RNF144B: variants seen among roughly 807,000 people sequenced by gnomAD.
RNF144B encodes the protein E3 ubiquitin-protein ligase RNF144B.
Under a neutral mutation model 40.2 loss-of-function variants are expected in RNF144B, and 25 were observed. The observed-to-expected ratio is 0.62, with a 90% CI of 0.45 to 0.87. The LOEUF is 0.87. Among genes scored for constraint, RNF144B ranks in the 40% least tolerant of loss-of-function variants. RNF144B has a pLI of 0.00. For synonymous variants in RNF144B, 145 were observed against 136.3 expected (o/e 1.06, Z -0.44); for missense variants, 365 against 373.7 (o/e 0.98, Z 0.19).
At chr6:18,392,683 T>C (rs1794609059) in intron 1 of RNF144B, among the ~76,000 whole-genome samples, 1 of 152,214 alleles carries the variant, frequency 6.6e-6, no homozygotes. Context: ...TCCTCTTCTC[T>C]ACCACAGGAG....
Position 18,460,086 on chromosome 6 carries a change from A to G in RNF144B, c.681+335A>G, listed in dbSNP as rs1038390796. Among the ~76,000 whole-genome samples the G allele has an allele frequency of 6.6e-6, 1 of 152,232 alleles. No individual in the cohort carries two copies. Among genetic ancestry groups the G allele is most frequent in the Non-Finnish European group, 1.5e-5 (1 of 68,046 alleles). On this transcript the variant is annotated intron_variant, in intron 6 of 7. Transcript: ENST00000259939. This position sits in a 1 kb window ranked among gnomAD's most constrained non-coding sequence, Gnocchi z 4.4. The stretch of plus-strand genomic sequence containing the variant: ...TAGCACATACTTAGTGGCTTAAAAT[A>G]CCACAAACTTATTATCCCACAGTTC...
At chr6:18,388,316 A>C (rs1443280621) in intron 1 of RNF144B, among the ~76,000 whole-genome samples, 1 of 152,154 alleles carries the variant, frequency 6.6e-6, no homozygotes, top group East Asian at 1.9e-4. Context: ...TAACAGGACT[A>C]TCTCTGCTCT....
At chr6:18,424,132 T>C (rs192002169) in intron 2 of RNF144B, among the ~76,000 whole-genome samples, 1 of 152,340 alleles carries the variant, frequency 6.6e-6, no homozygotes, top group Admixed American at 6.5e-5. Flanking sequence ...GTTAACCATT[T>C]ACCTGTGTTT....
At position 18,396,617 on chromosome 6, in the gene RNF144B, C is replaced by T. The variant is rs1393149241; in HGVS notation, c.-36-2882C>T. On this transcript the variant is annotated intron_variant, in intron 1 of 7. Transcript: ENST00000259939. ...CTACTCAGGAAGCATTTACTACCTACGTTTCTTCTTGTTGTTTTACTTGGG... is the reference window on the plus strand; with the variant it reads ...CTACTCAGGAAGCATTTACTACCTATGTTTCTTCTTGTTGTTTTACTTGGG... The T allele has an allele frequency of 2.3e-5, 23 of 984,994 alleles. No individual in the cohort carries two copies. The Admixed American group carries it at 6.1e-4, about 26-fold the overall frequency. 61.0% of individuals were successfully genotyped at this position (984,994 alleles called of 1,614,324 possible).
At chr6:18,404,240 G>A (rs936231326) in intron 2 of RNF144B, among the ~76,000 whole-genome samples, 4 of 152,216 alleles carry the variant, frequency 2.6e-5, no homozygotes, top group African/African-American at 7.2e-5. Flanking sequence ...AGAAAGTAAT[G>A]CCACTTTCCT....
At chr6:18,397,561 A>G (rs996006825) in intron 1 of RNF144B, among the ~76,000 whole-genome samples, 1 of 152,240 alleles carries the variant, frequency 6.6e-6, no homozygotes, top group Non-Finnish European at 1.5e-5. Context: ...ATTCAGAATA[A>G]AAACAATCTA....
rs143833046 is a variant in RNF144B, at chr6:18,387,864, C to T, written c.-37+234C>T. 7.1e-3 allele frequency among the ~76,000 whole-genome samples: 1,075 copies of T among 152,268 alleles called. 10 individuals are homozygous for T. Among genetic ancestry groups the T allele is most frequent in the Middle Eastern group, 0.027 (8 of 294 alleles). ...AGTTTCATTTCTAATAAAACAGTTT[C>T]TATAATAGAATGTATTGTAGAATCC... On this transcript the variant is annotated intron_variant, in intron 1 of 7. Transcript: ENST00000259939.
At position 18,466,075 on chromosome 6, in the gene RNF144B, G is replaced by A. The variant is rs1291537197; in HGVS notation, c.*1008G>A. On this transcript the variant is annotated 3_prime_UTR_variant, in exon 8 of 8. Transcript: ENST00000259939. ...TGAGCATGCATGGATATACCCAATAGTACACACAAAATAAATGTTTACTTA... is the reference window on the plus strand; with the variant it reads ...TGAGCATGCATGGATATACCCAATAATACACACAAAATAAATGTTTACTTA... 6.6e-6 allele frequency: 1 copy of A among 152,150 alleles called. No homozygotes were observed. 9.4% of individuals were successfully genotyped at this position (152,150 alleles called of 1,614,324 possible).
At chr6:18,396,899 C>T (rs6459614) in intron 1 of RNF144B, 353,445 of 833,148 alleles carry the variant, frequency 0.42, 73,644 homozygotes, top group South Asian at 0.53. Context: ...CTGAATTTGA[C>T]GTGCAGGTCT....
At chr6:18,393,472 T>C (rs1794627925) in intron 1 of RNF144B, among the ~76,000 whole-genome samples, 1 of 152,242 alleles carries the variant, frequency 6.6e-6, no homozygotes, top group Admixed American at 6.5e-5. Flanking sequence ...TAATGGCTGA[T>C]AATGCTCAGC....
At chr6:18,387,707 A>C in intron 1 of RNF144B, 77 bp downstream of exon 1, 1 of 1,201,706 alleles carries the variant, frequency 8.3e-7, no homozygotes, top group Non-Finnish European at 1.1e-6. Flanking sequence ...GAAAAAGGAC[A>C]GGAAACTCAC....
In RNF144B at chr6:18,450,692, A is replaced by G. The variant is rs766638229; in HGVS notation, c.332-6463A>G. On this transcript the variant is annotated intron_variant, in intron 4 of 7. Coordinates refer to ENST00000259939, the MANE Select transcript of RNF144B (RefSeq NM_182757.4). The surrounding 1 kb of genome is among the most constrained non-coding windows in gnomAD (Gnocchi z 4.7). ...GAACTTGGAGTTGGAAAGAGACACAATTGGTTCTCATGAGCTGGCAAGATC... is the reference window on the plus strand; with the variant it reads ...GAACTTGGAGTTGGAAAGAGACACAGTTGGTTCTCATGAGCTGGCAAGATC... Among the ~76,000 whole-genome samples the G allele has an allele frequency of 5.9e-5, 9 of 152,188 alleles. No individual in the cohort carries two copies. Among genetic ancestry groups the G allele is most frequent in the African/African-American group, 9.7e-5 (4 of 41,444 alleles).
Position 18,459,762 on chromosome 6 carries a change from C to T in RNF144B, c.681+11C>T. On this transcript the variant is annotated intron_variant, in intron 6 of 7. Coordinates refer to ENST00000259939, the MANE Select transcript of RNF144B (RefSeq NM_182757.4). The surrounding 1 kb of genome is among the most constrained non-coding windows in gnomAD (Gnocchi z 4.2). ...CTCCAGAACTTGGATGTAAGTTCCACCTAGGTTTGTTGTATGGTGTTTCCT... is the reference window on the plus strand; with the variant it reads ...CTCCAGAACTTGGATGTAAGTTCCATCTAGGTTTGTTGTATGGTGTTTCCT... 6.2e-7 allele frequency: 1 copy of T among 1,613,036 alleles called. No individual in the cohort carries two copies. The highest frequency in any genetic ancestry group is 1.7e-5 in the Admixed American group (1 of 60,010).
intron 2 of RNF144B, among the ~76,000 whole-genome samples, chr6:18,426,344 T>C (rs9396865): frequency 0.16 from 24,047 of 152,248 alleles, 1,997 homozygotes; most frequent in South Asian, 0.23. Flanking sequence ...TTTTTGGTCA[T>C]GCATGTAGAA....
chr6:18,445,375 T>A (rs1487524883), intron 4 of RNF144B, among the ~76,000 whole-genome samples: 4 of 152,190 alleles, frequency 2.6e-5, no homozygotes, highest in African/African-American at 7.2e-5. Context: ...TCAGATGTGG[T>A]CTTTAGGTCT....
At chr6:18,423,894 A>G (rs1396843560) in intron 2 of RNF144B, among the ~76,000 whole-genome samples, 2 of 152,306 alleles carry the variant, frequency 1.3e-5, no homozygotes, top group African/African-American at 2.4e-5. Context: ...GAGATGTTCT[A>G]TTTGAAACAT....
At chr6:18,432,686 C>T (rs1221176941) in intron 3 of RNF144B, among the ~76,000 whole-genome samples, 7 of 152,182 alleles carry the variant, frequency 4.6e-5, no homozygotes, top group Admixed American at 3.3e-4. Flanking sequence ...CTGGCCTGTG[C>T]GAATTTTGAG....
intron 4 of RNF144B, among the ~76,000 whole-genome samples, chr6:18,453,988 T>C (rs1238899871): frequency 6.6e-6 from 1 of 152,224 alleles, no homozygotes; most frequent in African/African-American, 2.4e-5. Context: ...TGGGTTTTGG[T>C]TAATTTATTA....
intron 2 of RNF144B, among the ~76,000 whole-genome samples, chr6:18,417,312 C>T (rs1328690660): frequency 6.6e-6 from 1 of 152,118 alleles, no homozygotes; most frequent in African/African-American, 2.4e-5. Context: ...CTCTATTCCT[C>T]ATTTCAAAAC....
Sources: gnomAD v4.1 joint callset for allele counts (sites outside exome capture counted in the v4.1 genomes callset) on GRCh38, gnomAD v4.1.1 for gene constraint, Gnocchi (gnomAD v3.1) non-coding constraint, MANE v1.5 for transcripts, NCBI Gene and HGNC (gene_info 2026-07-23, HGNC 2026-07-21) for gene names.